KALRN: variants seen among roughly 807,000 people sequenced by gnomAD.
The protein encoded by KALRN is kalirin RhoGEF kinase.
Under a neutral mutation model 353.7 loss-of-function variants are expected in KALRN, and 70 were observed. The ratio of observed to expected loss-of-function variants is 0.20; its 90% CI spans 0.16 to 0.24. The LOEUF is 0.24. KALRN is among the 10% of genes least tolerant of loss of function. The pLI is 1.00. For synonymous variants in KALRN, 1,391 were observed against 1,434.8 expected, an observed-to-expected ratio of 0.97 and a Z score of 0.69; for missense variants, 2,791 against 3,756.7, an observed-to-expected ratio of 0.74 and a Z score of 6.72.
intron 3 of KALRN, among the ~76,000 whole-genome samples, chr3:124,260,018 T>A (rs2008847): frequency 0.069 from 10,437 of 152,200 alleles, 407 homozygotes; most frequent in Middle Eastern, 0.095. Flanking sequence ...ATCTTACCCT[T>A]CAGTGCCTTT....
intron 34 of KALRN, among the ~76,000 whole-genome samples, chr3:124,628,371 C>T (rs2080295647): frequency 4.9e-5 from 1 of 20,364 alleles, no homozygotes; most frequent in Non-Finnish European, 9.7e-5. Flanking sequence ...TTCTTTCCTT[C>T]CCTCCTTCCC....
At chr3:124,213,766 A>G (rs2077086947) in intron 1 of KALRN, among the ~76,000 whole-genome samples, 1 of 152,186 alleles carries the variant, frequency 6.6e-6, no homozygotes. Flanking sequence ...TTTCTTTTAC[A>G]GCTCATTTGG....
intron 57 of KALRN, among the ~76,000 whole-genome samples, chr3:124,710,349 T>TA (rs776898842): frequency 4.9e-4 from 74 of 152,284 alleles, no homozygotes; most frequent in Admixed American, 7.8e-4. Flanking sequence ...GGAAGGAGGC[T>TA]AAAATCTCAT....
intron 16 of KALRN, among the ~76,000 whole-genome samples, chr3:124,432,353 G>A (rs759570983): frequency 4.6e-5 from 7 of 152,172 alleles, no homozygotes; most frequent in East Asian, 1.9e-4. Context: ...GGTGGAAGTC[G>A]CAGTGAGCTG....
At chr3:124,327,889 C>A (rs1466892515) in intron 7 of KALRN, among the ~76,000 whole-genome samples, 12 of 152,186 alleles carry the variant, frequency 7.9e-5, no homozygotes, top group Admixed American at 7.9e-4. Flanking sequence ...GATCCCAGCT[C>A]CACCATTCAT....
At chr3:124,078,846 G>A (rs569397039) in intron 1 of KALRN, among the ~76,000 whole-genome samples, 2 of 152,360 alleles carry the variant, frequency 1.3e-5, no homozygotes, top group East Asian at 3.9e-4. Flanking sequence ...GTTAACATTT[G>A]AAGGTTTCTA....
At chr3:124,470,107 A>G (rs73858501) in intron 25 of KALRN, among the ~76,000 whole-genome samples, 35 of 152,330 alleles carry the variant, frequency 2.3e-4, no homozygotes, top group African/African-American at 8.4e-4. Flanking sequence ...AAATTATAAT[A>G]ATTTAATAGA....
chr3:124,671,634 A>C (rs1257457315), intron 47 of KALRN, 26 bp from the exon 48 acceptor site: 2 of 1,544,448 alleles, frequency 1.3e-6, no homozygotes, highest in African/African-American at 2.7e-5. Context: ...CAAAGCTTAG[A>C]GTAACCACCT....
chr3:124,222,117 G>A (rs1440437782), intron 1 of KALRN, among the ~76,000 whole-genome samples: 3 of 152,180 alleles, frequency 2.0e-5, no homozygotes, highest in Non-Finnish European at 1.5e-5. Context: ...TTATGCTACC[G>A]AAAGTAGTTA....
rs922738480 is a variant in KALRN at position 124,725,294 on chromosome 3, G to T, written c.*5824G>T. The T allele has an allele frequency of 6.6e-6, 1 of 152,056 alleles. No individual in the cohort carries two copies. Among genetic ancestry groups the T allele is most frequent in the African/African-American group, 2.4e-5 (1 of 41,414 alleles). The allele number at this position is 152,056 out of a possible 1,614,324, so 9.4% of individuals were successfully genotyped here. On this transcript the variant is annotated 3_prime_UTR_variant, in exon 60 of 60. Coordinates refer to ENST00000682506, the MANE Select transcript of KALRN (RefSeq NM_001388419.1). ...TCTATGTTTGATTTTTCTGACCCTG[G>T]TGCTTTTACTTCTGTTTCTGCCAAA... is the stretch of plus-strand genomic sequence containing the variant.
chr3:124,427,543 A>T, intron 15 of KALRN, among the ~76,000 whole-genome samples: 1 of 152,206 alleles, frequency 6.6e-6, no homozygotes, highest in South Asian at 2.1e-4. Context: ...GCCCAGCTTA[A>T]ATGGCATCAC....
At chr3:124,252,675 C>T (rs1415276675) in intron 3 of KALRN, among the ~76,000 whole-genome samples, 2 of 152,180 alleles carry the variant, frequency 1.3e-5, no homozygotes, top group African/African-American at 4.8e-5. Flanking sequence ...AGGGTGACTT[C>T]CAGTACAAAC....
At chr3:124,349,653 A>G (rs553413407) in intron 10 of KALRN, among the ~76,000 whole-genome samples, 5 of 152,284 alleles carry the variant, frequency 3.3e-5, no homozygotes, top group African/African-American at 1.2e-4. Context: ...TGTACTTAAT[A>G]CCACTAAATT....
chr3:124,675,275 C>T (rs1181867787), intron 49 of KALRN: 1 of 152,108 alleles, frequency 6.6e-6, no homozygotes, highest in African/African-American at 2.4e-5. Flanking sequence ...AAGTATTTTG[C>T]ACTATTTAAA....
intron 1 of KALRN, among the ~76,000 whole-genome samples, chr3:124,083,611 T>C (rs1260722796): frequency 6.6e-6 from 1 of 152,228 alleles, no homozygotes; most frequent in African/African-American, 2.4e-5. Context: ...ACTATTATCA[T>C]CCCCATTTTA....
chr3:124,347,112 G>A, intron 9 of KALRN, 31 bp from the exon 10 acceptor site: 2 of 1,613,492 alleles, frequency 1.2e-6, no homozygotes, highest in Non-Finnish European at 8.5e-7. Flanking sequence ...CTGCTAGAAA[G>A]TCATTGTTGC....
intron 1 of KALRN, among the ~76,000 whole-genome samples, chr3:124,196,652 T>C (rs887023797): frequency 7.9e-5 from 12 of 152,192 alleles, no homozygotes; most frequent in African/African-American, 2.9e-4. Flanking sequence ...CACACATATA[T>C]ATGACAAAAA....
intron 1 of KALRN, among the ~76,000 whole-genome samples, chr3:124,048,534 T>C (rs918224052): frequency 6.6e-6 from 1 of 151,808 alleles, no homozygotes; most frequent in Non-Finnish European, 1.5e-5. Flanking sequence ...CAGGCTGGAG[T>C]GCAGTGGTGC....
At chr3:124,671,449 A>C (rs2150368562) in intron 47 of KALRN, among the ~76,000 whole-genome samples, 1 of 152,284 alleles carries the variant, frequency 6.6e-6, no homozygotes, top group Middle Eastern at 3.4e-3. Context: ...CTCTTTGCAC[A>C]ACCCTTGGCA....
Sources: gnomAD v4.1 joint callset for allele counts (sites outside exome capture counted in the v4.1 genomes callset) on GRCh38, gnomAD v4.1.1 for gene constraint, MANE v1.5 for transcripts, NCBI Gene and HGNC (gene_info 2026-07-23, HGNC 2026-07-21) for gene names.